The following GPC5 variants were observed in gnomAD, a reference collection of about 807,000 sequenced individuals.
The protein encoded by GPC5 is glypican 5.
A neutral mutation model predicts 53.9 loss-of-function variants in GPC5; 47 were observed. That is an observed-to-expected ratio of 0.87 (90% CI 0.69 to 1.11). The LOEUF (loss-of-function observed/expected upper bound fraction) is 1.11, where lower values mean the gene tolerates loss of function less well. Among genes scored for constraint, GPC5 ranks in the 50% most tolerant of loss-of-function variants. The pLI, the probability that GPC5 is intolerant of heterozygous loss-of-function variation, is 0.00. For synonymous variants in GPC5, 286 were observed against 263.3 expected, an observed-to-expected ratio of 1.09 and a Z score of -0.84; for missense variants, 748 against 713.1, an observed-to-expected ratio of 1.05 and a Z score of -0.56.
chr13:92,516,561 A>C (rs576910925), intron 7 of GPC5, among the ~76,000 whole-genome samples: 96 of 152,276 alleles, frequency 6.3e-4, no homozygotes, highest in Middle Eastern at 6.8e-3. Context: ...TCAGTGTGGA[A>C]GGTGTTCTGT....
intron 7 of GPC5, among the ~76,000 whole-genome samples, chr13:92,198,032 G>A (rs1276148837): frequency 6.6e-6 from 1 of 152,110 alleles, no homozygotes; most frequent in Non-Finnish European, 1.5e-5. Context: ...TCATGTGCCT[G>A]ACTCTGGACC....
intron 2 of GPC5, among the ~76,000 whole-genome samples, chr13:91,540,399 T>G (rs2029875517): frequency 6.6e-6 from 1 of 152,200 alleles, no homozygotes; most frequent in Admixed American, 6.5e-5. Context: ...TTATGTAAAT[T>G]TTATACAAGA....
At chr13:92,832,654 C>T (rs553175086) in intron 7 of GPC5, among the ~76,000 whole-genome samples, 1 of 152,064 alleles carries the variant, frequency 6.6e-6, no homozygotes, top group East Asian at 1.9e-4. Context: ...CCCTTACCTC[C>T]TCATTTACTC....
chr13:92,266,142 T>C (rs1390748218), intron 7 of GPC5, among the ~76,000 whole-genome samples: 3 of 152,182 alleles, frequency 2.0e-5, no homozygotes, highest in South Asian at 4.1e-4. Context: ...TTCCAGTGCA[T>C]ATTTTTTAGG....
intron 7 of GPC5, among the ~76,000 whole-genome samples, chr13:92,713,278 A>T: frequency 6.6e-6 from 1 of 152,086 alleles, no homozygotes; most frequent in East Asian, 1.9e-4. Context: ...AGATATATCA[A>T]TGGCAAACAA....
intron 5 of GPC5, among the ~76,000 whole-genome samples, chr13:91,866,544 T>G (rs2039087197): frequency 6.6e-6 from 1 of 152,176 alleles, no homozygotes; most frequent in African/African-American, 2.4e-5. Context: ...TCTCTCCTCA[T>G]GTAATACTTC....
At chr13:92,406,514 G>C (rs1228349786) in intron 7 of GPC5, among the ~76,000 whole-genome samples, 1 of 152,164 alleles carries the variant, frequency 6.6e-6, no homozygotes, top group Non-Finnish European at 1.5e-5. Context: ...AGTTCATGAA[G>C]ATTTTTCTGT....
chr13:92,671,974 T>C (rs1301498483), intron 7 of GPC5, among the ~76,000 whole-genome samples: 1 of 152,164 alleles, frequency 6.6e-6, no homozygotes, highest in Non-Finnish European at 1.5e-5. Flanking sequence ...TGCAAAATCA[T>C]TGCCAGGGAA....
intron 7 of GPC5, among the ~76,000 whole-genome samples, chr13:92,629,683 A>G (rs764570795): frequency 3.3e-5 from 5 of 152,182 alleles, no homozygotes; most frequent in Admixed American, 6.5e-5. Context: ...AGAGTCAGCA[A>G]TGATTCCGTT....
intron 5 of GPC5, among the ~76,000 whole-genome samples, chr13:91,818,079 T>C (rs934662056): frequency 2.0e-5 from 3 of 152,182 alleles, no homozygotes; most frequent in Non-Finnish European, 4.4e-5. Flanking sequence ...TTGGGATAAA[T>C]TGTGCACTCT....
chr13:91,699,267 A>G (rs1274531259), intron 3 of GPC5, among the ~76,000 whole-genome samples: 1 of 152,110 alleles, frequency 6.6e-6, no homozygotes, highest in Non-Finnish European at 1.5e-5. Flanking sequence ...TCTGAAATAA[A>G]AATGTTTTGG....
intron 2 of GPC5, among the ~76,000 whole-genome samples, chr13:91,591,055 T>C: frequency 6.6e-6 from 1 of 152,288 alleles, no homozygotes; most frequent in South Asian, 2.1e-4. Flanking sequence ...TTGATGTTTG[T>C]AAAGCTCCTA....
intron 1 of GPC5, among the ~76,000 whole-genome samples, chr13:91,418,888 C>T (rs1227575230): frequency 6.6e-6 from 1 of 151,758 alleles, no homozygotes; most frequent in Non-Finnish European, 1.5e-5. Flanking sequence ...TTCTGCTTGT[C>T]TTGTAACAGG....
intron 7 of GPC5, among the ~76,000 whole-genome samples, chr13:92,553,059 C>G (rs1882371374): frequency 6.6e-6 from 1 of 151,834 alleles, no homozygotes; most frequent in South Asian, 2.1e-4. Context: ...ATCTACATAC[C>G]TCCTAATCAT....
chr13:92,006,585 A>G (rs2040608857), intron 6 of GPC5, among the ~76,000 whole-genome samples: 1 of 152,318 alleles, frequency 6.6e-6, no homozygotes, highest in Admixed American at 6.5e-5. Context: ...TTCATACCCA[A>G]GTAAACTCTT....
chr13:91,872,573 T>C lies in GPC5; in HGVS notation c.1281-35364T>C, dbSNP rs568682779. ...AGGTGTTAATATGTGCATCCATATG[T>C]ATATAGGCACATTATATGCATATAT... On this transcript the variant is annotated intron_variant, in intron 5 of 7. Transcript: ENST00000377067. 3.9e-5 allele frequency among the ~76,000 whole-genome samples: 6 copies of C among 152,300 alleles called. No individual in the cohort carries two copies. In the South Asian group the frequency reaches 1.2e-3, roughly 32 times the overall value.
chr13:91,670,002 A>T (rs2035207471), intron 2 of GPC5, among the ~76,000 whole-genome samples: 1 of 152,214 alleles, frequency 6.6e-6, no homozygotes, highest in African/African-American at 2.4e-5. Context: ...ATTATTGGAC[A>T]CTGAGTGAAC....
chr13:92,670,576 A>G (rs1471690090), intron 7 of GPC5, among the ~76,000 whole-genome samples: 1 of 152,076 alleles, frequency 6.6e-6, no homozygotes, highest in East Asian at 1.9e-4. Flanking sequence ...ATGATTTCTC[A>G]TTCTTTCCAT....
At chr13:92,173,963 G>C (rs887495500) in intron 7 of GPC5, among the ~76,000 whole-genome samples, 1 of 151,950 alleles carries the variant, frequency 6.6e-6, no homozygotes, top group African/African-American at 2.4e-5. Flanking sequence ...AAATTAGTTG[G>C]GTGTGGTGGC....
Sources: gnomAD v4.1 joint callset for allele counts (sites outside exome capture counted in the v4.1 genomes callset) on GRCh38, gnomAD v4.1.1 for gene constraint, MANE v1.5 for transcripts, NCBI Gene and HGNC (gene_info 2026-07-23, HGNC 2026-07-21) for gene names.